Variants in SASH3 observed in about 807,000 individuals in gnomAD.
The protein encoded by SASH3 is SAM and SH3 domain-containing protein 3.
Under a neutral mutation model 26.1 loss-of-function variants are expected in SASH3, and 7 were observed. The observed-to-expected ratio is 0.27, with a 90% CI of 0.15 to 0.50. SASH3 has a LOEUF of 0.50. Among genes scored for constraint, SASH3 ranks in the 20% least tolerant of loss-of-function variants. The pLI is 0.98. For missense variants in SASH3, 231 were observed against 318.3 expected (o/e 0.73, Z 2.09); for synonymous variants, 138 against 136.8 (o/e 1.01, Z -0.06).
At chrX:129,788,124 T>TGGGGGGGGGGGGGGGGGGGG in intron 2 of SASH3, 54 bp downstream of exon 2, 2 of 146,475 alleles carry the variant, frequency 1.4e-5, no homozygotes, top group East Asian at 1.5e-4. Context: ...GGCAGGGGGG[T>TGGGGGGGGGGGGGGGGGGGG]GGGGGTGGGA....
chrX:129,790,824 G>A, intron 3 of SASH3, 116 bp from the exon 4 acceptor site: 1 of 783,856 alleles, frequency 1.3e-6, no homozygotes, highest in African/African-American at 2.1e-5. Context: ...GCCTATAAGT[G>A]GTAGAGTTGG....
chrX:129,788,124 T>TGGGGGGGGGGGGGGGGGGGGG, intron 2 of SASH3, 54 bp downstream of exon 2: 3 of 146,462 alleles, frequency 2.0e-5, no homozygotes, highest in African/African-American at 8.9e-5. Flanking sequence ...GGCAGGGGGG[T>TGGGGGGGGGGGGGGGGGGGGG]GGGGGTGGGA....
chrX:129,794,868 CTTGACATTGGGGG>C lies in SASH3; in HGVS notation c.*1038_*1050del, dbSNP rs1927307280. 1 of 111,539 alleles carries C rather than the reference CTTGACATTGGGGG, an allele frequency of 9.0e-6. No homozygotes were observed. Among genetic ancestry groups the C allele is most frequent in the Non-Finnish European group, 1.9e-5 (1 of 53,124 alleles). 9.2% of individuals were successfully genotyped at this position (111,539 alleles called of 1,213,427 possible). ...CCTCACAAGCAAAGAGAGCACTAAACTTGACATTGGGGGTCCACCACTCCAACTTTGCTTTCTG... is the reference window on the plus strand; with the variant it reads ...CCTCACAAGCAAAGAGAGCACTAAACTCCACCACTCCAACTTTGCTTTCTG... On this transcript the variant is annotated 3_prime_UTR_variant, in exon 8 of 8. Coordinates refer to ENST00000356892, the MANE Select transcript of SASH3 (RefSeq NM_018990.4).
At position 129,793,886 on chromosome X, in the gene SASH3, T is replaced by C; in HGVS notation, c.*54T>C. ...GACCCAGCTGCAAAGGCTGTAGGAG[T>C]GGGCCCAGCCTCCCGTGGTGGCCCA... is the stretch of plus-strand genomic sequence containing the variant. On this transcript the variant is annotated 3_prime_UTR_variant, in exon 8 of 8. Transcript: ENST00000356892. 2.8e-6 allele frequency: 3 copies of C among 1,074,608 alleles called. No homozygotes were observed. Among genetic ancestry groups the C allele is most frequent in the South Asian group, 2.1e-5 (1 of 48,044 alleles). The allele number at this position is 1,074,608 out of a possible 1,213,427, so 88.6% of individuals were successfully genotyped here.
chrX:129,793,401 T>A (rs1283479054), intron 7 of SASH3, among the ~76,000 whole-genome samples: 1 of 112,434 alleles, frequency 8.9e-6, no homozygotes, highest in Non-Finnish European at 1.9e-5. Flanking sequence ...GCCTCAAAGC[T>A]GAGTAATAAC....
chrX:129,780,475 T>C (rs1322865832), intron 1 of SASH3, among the ~76,000 whole-genome samples: 1 of 112,530 alleles, frequency 8.9e-6, no homozygotes, highest in Non-Finnish European at 1.9e-5. Context: ...CAAAATACAA[T>C]GCTTAAGCTG....
chrX:129,790,501 C>T (rs778004953), intron 3 of SASH3, among the ~76,000 whole-genome samples: 1 of 109,715 alleles, frequency 9.1e-6, no homozygotes, highest in East Asian at 2.9e-4. Context: ...TAAACTCAGG[C>T]CAACAATACC....
chrX:129,791,754 A>C (rs1039483985), intron 4 of SASH3, among the ~76,000 whole-genome samples: 1 of 112,242 alleles, frequency 8.9e-6, no homozygotes, highest in African/African-American at 3.2e-5. Flanking sequence ...CCCGACTGAA[A>C]ATCATTCAAA....
rs777743704 is a variant in SASH3 at position 129,788,660 on chromosome X, A to G, written c.300+83A>G. ...AGAATGTGAGCATGACCACCTCAAT[A>G]GCCACTACTCAGGCCGGAAGGCCCT... On this transcript the variant is annotated intron_variant, in intron 3 of 7. Transcript: ENST00000356892. The G allele has an allele frequency of 1.1e-5, 11 of 994,798 alleles. No individual in the cohort carries two copies. In the East Asian group the frequency reaches 2.2e-4, roughly 20 times the overall value. The allele number at this position is 994,798 out of a possible 1,213,427, so 82.0% of individuals were successfully genotyped here. A position where few individuals can be genotyped will look rare whatever the true frequency, so the allele number is the denominator to read the frequency against.
intron 1 of SASH3, among the ~76,000 whole-genome samples, chrX:129,783,461 T>C (rs1190016696): frequency 1.8e-5 from 2 of 112,205 alleles, no homozygotes; most frequent in Admixed American, 9.5e-5. Flanking sequence ...GCATGAGCTC[T>C]GAGGTAGCAC....
At chrX:129,788,137 G>GGGGGGGGGGGGGGGGGGGGGGGGGGGGC (rs2124077348) in intron 2 of SASH3, 67 bp downstream of exon 2, 9 of 354,233 alleles carry the variant, frequency 2.5e-5, no homozygotes, top group East Asian at 1.3e-4. Flanking sequence ...GGGTGGGAGG[G>GGGGGGGGGGGGGGGGGGGGGGGGGGGGC]AAGAGGGTGA....
intron 7 of SASH3, among the ~76,000 whole-genome samples, 191 bp from the exon 8 acceptor site, chrX:129,793,451 T>C (rs1318223696): frequency 2.7e-5 from 3 of 112,207 alleles, no homozygotes; most frequent in African/African-American, 9.7e-5. Context: ...TCCAGCTTAG[T>C]GCTAAAGAAG....
rs1252309195 is a variant in SASH3, at chrX:129,790,831, T to A, written c.301-109T>A. The A allele has an allele frequency of 3.5e-6, 3 of 850,813 alleles. No homozygotes were observed. In the Admixed American group the frequency reaches 9.4e-5, roughly 27 times the overall value. The allele number at this position is 850,813 out of a possible 1,213,427, so 70.1% of individuals were successfully genotyped here. On this transcript the variant is annotated intron_variant, in intron 3 of 7. Coordinates refer to ENST00000356892, the MANE Select transcript of SASH3 (RefSeq NM_018990.4). ...GCCATTCAGCCTATAAGTGGTAGAG[T>A]TGGGGTTTGAGCCAGCCCCTAGCTC...
At chrX:129,781,380 C>T (rs1275951251) in intron 1 of SASH3, among the ~76,000 whole-genome samples, 6 of 103,833 alleles carry the variant, frequency 5.8e-5, no homozygotes, top group South Asian at 1.0e-3. Context: ...TGGTGGTGGG[C>T]GGGGGAGGGG....
At chrX:129,784,754 C>T (rs997178986) in intron 1 of SASH3, among the ~76,000 whole-genome samples, 88 of 111,030 alleles carry the variant, frequency 7.9e-4, no homozygotes, top group African/African-American at 2.8e-3. Context: ...GAAAGCTTCC[C>T]TCATGCCCCT....
intron 1 of SASH3, among the ~76,000 whole-genome samples, chrX:129,782,652 T>A (rs1253812557): frequency 2.7e-5 from 3 of 112,129 alleles, no homozygotes; most frequent in African/African-American, 9.7e-5. Flanking sequence ...CACTCTCTTG[T>A]CCCCTTGTTG....
chrX:129,788,112 T>C, intron 2 of SASH3, 42 bp downstream of exon 2: 1 of 90,875 alleles, frequency 1.1e-5, no homozygotes, highest in Non-Finnish European at 2.3e-5. Context: ...CTGCAGGCCC[T>C]GGGCAGGGGG....
At chrX:129,786,531 CTCTA>C (rs752239474) in intron 1 of SASH3, among the ~76,000 whole-genome samples, 6 of 111,358 alleles carry the variant, frequency 5.4e-5, no homozygotes, top group Non-Finnish European at 9.4e-5. Context: ...GTCTATCCCA[CTCTA>C]TCTGTCTGGC....
At chrX:129,786,579 T>C (rs778770166) in intron 1 of SASH3, among the ~76,000 whole-genome samples, 34 of 112,175 alleles carry the variant, frequency 3.0e-4, no homozygotes, top group Middle Eastern at 4.6e-3. Context: ...GTGTATCTTC[T>C]GGTCTTGACT....
Sources: allele counts gnomAD v4.1 joint callset (sites outside exome capture counted in the v4.1 genomes callset), GRCh38; gene constraint gnomAD v4.1.1; transcripts MANE v1.5; gene names NCBI Gene and HGNC (gene_info 2026-07-23, HGNC 2026-07-21).